The following TRPM3 variants were observed in gnomAD, a reference collection of about 807,000 sequenced individuals.
The protein encoded by TRPM3 is transient receptor potential cation channel subfamily M member 3, also known as long transient receptor potential channel 3.
A neutral mutation model predicts 181.2 loss-of-function variants in TRPM3; 77 were observed. That is an observed-to-expected ratio of 0.42 (90% CI 0.35 to 0.51). The LOEUF (loss-of-function observed/expected upper bound fraction) is 0.51. TRPM3 is among the 20% of genes least tolerant of loss of function. TRPM3 has a pLI of 0.01. For missense variants in TRPM3, 1,759 were observed against 2,196.7 expected, an observed-to-expected ratio of 0.80 and a Z score of 3.98; for synonymous variants, 745 against 796.4, an observed-to-expected ratio of 0.94 and a Z score of 1.09.
In TRPM3 at chr9:70,574,092, G is replaced by GCA. The variant is rs1554756427; in HGVS notation, c.3223+16937_3223+16938dup. Reference sequence around the variant, plus strand: ...TCATGTCAGACACACACACGCGCGCGCACACACACACACACACACTACTAA... The same window carrying GCA: ...TCATGTCAGACACACACACGCGCGCGCACACACACACACACACACACTACTAA... On this transcript the variant is annotated intron_variant, in intron 22 of 25. Transcript: ENST00000677713. Among the ~76,000 whole-genome samples, 585 of 119,172 alleles carry GCA rather than the reference G, an allele frequency of 4.9e-3. 2 individuals are homozygous for GCA. Among genetic ancestry groups the GCA allele is most frequent in the South Asian group, 9.5e-3 (34 of 3,568 alleles). 78.2% of individuals were successfully genotyped at this position (119,172 alleles called of 152,430 possible).
At chr9:71,443,512 C>A (rs1437445889) in intron 1 of TRPM3, among the ~76,000 whole-genome samples, 2 of 152,174 alleles carry the variant, frequency 1.3e-5, no homozygotes, top group Non-Finnish European at 2.9e-5. Flanking sequence ...AGAACAGAAG[C>A]AGATCCAAGT....
chr9:70,753,648 T>C (rs2076568976), intron 8 of TRPM3, among the ~76,000 whole-genome samples: 1 of 152,160 alleles, frequency 6.6e-6, no homozygotes, highest in Non-Finnish European at 1.5e-5. Flanking sequence ...CACAGATTGC[T>C]TGAGGCGTTT....
chr9:70,677,711 T>G (rs1329567935), intron 9 of TRPM3, among the ~76,000 whole-genome samples: 2 of 152,274 alleles, frequency 1.3e-5, no homozygotes, highest in Non-Finnish European at 2.9e-5. Context: ...ATCTTCATTC[T>G]GAAGGCTGGA....
intron 1 of TRPM3, among the ~76,000 whole-genome samples, chr9:71,339,989 A>G (rs1485428864): frequency 6.6e-6 from 1 of 152,156 alleles, no homozygotes; most frequent in East Asian, 1.9e-4. Context: ...TCCAGGGAAT[A>G]AAACTGACCT....
intron 6 of TRPM3, among the ~76,000 whole-genome samples, chr9:70,793,318 T>C (rs58601886): frequency 0.016 from 2,452 of 151,858 alleles, 69 homozygotes; most frequent in African/African-American, 0.056. Flanking sequence ...TTAGTGGGGT[T>C]TGATGCATGT....
At chr9:71,353,657 T>G (rs2091765920) in intron 1 of TRPM3, among the ~76,000 whole-genome samples, 1 of 152,192 alleles carries the variant, frequency 6.6e-6, no homozygotes, top group Non-Finnish European at 1.5e-5. Context: ...TTTCTTATTA[T>G]CCTTGACAGA....
intron 1 of TRPM3, among the ~76,000 whole-genome samples, chr9:71,153,021 G>A (rs557199487): frequency 6.6e-6 from 1 of 152,172 alleles, no homozygotes; most frequent in Non-Finnish European, 1.5e-5. Flanking sequence ...TGGCTGTCAT[G>A]CCATTACAGC....
chr9:70,856,337 C>T (rs1475172582), intron 3 of TRPM3, among the ~76,000 whole-genome samples: 1 of 152,172 alleles, frequency 6.6e-6, no homozygotes, highest in African/African-American at 2.4e-5. Context: ...ATCAATGGAA[C>T]AATTACAAAA....
At chr9:70,816,002 AGAC>A (rs915060184) in intron 6 of TRPM3, among the ~76,000 whole-genome samples, 5 of 152,228 alleles carry the variant, frequency 3.3e-5, no homozygotes, top group African/African-American at 1.2e-4. Flanking sequence ...TAAATCTGTA[AGAC>A]AACAGATACT....
At chr9:70,848,976 CA>C (rs749477799) in intron 3 of TRPM3, among the ~76,000 whole-genome samples, 68 of 11,964 alleles carry the variant, frequency 5.7e-3, no homozygotes, top group African/African-American at 0.022. Flanking sequence ...GACTCCGTCT[CA>C]AAAAAAAAAA....
intron 1 of TRPM3, among the ~76,000 whole-genome samples, chr9:71,079,766 T>G (rs540491955): frequency 6.6e-5 from 10 of 152,136 alleles, no homozygotes; most frequent in Non-Finnish European, 1.0e-4. Flanking sequence ...CAAGTCCTCT[T>G]TCTGGGGTTG....
chr9:71,124,976 T>C (rs1436079081), upstream of TRPM3, among the ~76,000 whole-genome samples: 2 of 152,156 alleles, frequency 1.3e-5, no homozygotes, highest in African/African-American at 4.8e-5. Flanking sequence ...TATCTGGACA[T>C]CAATTGTACA....
intron 1 of TRPM3, among the ~76,000 whole-genome samples, chr9:71,446,372 A>C (rs2094203747): frequency 1.3e-5 from 2 of 152,082 alleles, no homozygotes; most frequent in Admixed American, 1.3e-4. Context: ...TAACTGCAAA[A>C]CTCTTATGAT....
chr9:71,041,268 T>C (rs2058781509), intron 1 of TRPM3, among the ~76,000 whole-genome samples: 3 of 152,114 alleles, frequency 2.0e-5, no homozygotes, highest in Non-Finnish European at 2.9e-5. Flanking sequence ...AATGGAAACA[T>C]GAAAAAATTT....
intron 1 of TRPM3, among the ~76,000 whole-genome samples, chr9:71,283,047 C>T (rs1228692867): frequency 6.6e-6 from 1 of 152,238 alleles, no homozygotes; most frequent in Admixed American, 6.5e-5. Flanking sequence ...GTAAAATACA[C>T]GTCACATAAA....
At chr9:70,583,484 C>T (rs2056453744) in intron 22 of TRPM3, among the ~76,000 whole-genome samples, 1 of 152,032 alleles carries the variant, frequency 6.6e-6, no homozygotes, top group Non-Finnish European at 1.5e-5. Flanking sequence ...ACAACAGAGG[C>T]TGAAAATGGT....
At chr9:70,754,633 T>G (rs2076741726) in intron 8 of TRPM3, among the ~76,000 whole-genome samples, 1 of 152,166 alleles carries the variant, frequency 6.6e-6, no homozygotes, top group African/African-American at 2.4e-5. Context: ...GGCTTTATTA[T>G]GTAAGTCAGT....
chr9:71,192,741 C>T (rs778147406), intron 1 of TRPM3, among the ~76,000 whole-genome samples: 1 of 151,820 alleles, frequency 6.6e-6, no homozygotes, highest in African/African-American at 2.4e-5. Flanking sequence ...TTTTGCTATG[C>T]ATAAACTTTT....
chr9:71,225,005 A>G (rs2131868543), intron 1 of TRPM3, among the ~76,000 whole-genome samples: 1 of 152,306 alleles, frequency 6.6e-6, no homozygotes, highest in Middle Eastern at 3.4e-3. Context: ...TATTGGCCTT[A>G]AAGAGGAGGT....
Sources: gnomAD v4.1 joint callset for allele counts (sites outside exome capture counted in the v4.1 genomes callset) on GRCh38, gnomAD v4.1.1 for gene constraint, MANE v1.5 for transcripts, NCBI Gene and HGNC (gene_info 2026-07-23, HGNC 2026-07-21) for gene names.